AMBRA1: variants seen among roughly 807,000 people sequenced by gnomAD.
AMBRA1 encodes activating molecule in BECN1-regulated autophagy protein 1.
Under a neutral mutation model 125.4 loss-of-function variants are expected in AMBRA1, and 47 were observed. That is an observed-to-expected ratio of 0.37 (90% CI 0.30 to 0.48). The LOEUF (loss-of-function observed/expected upper bound fraction) is 0.48, where lower values mean the gene tolerates loss of function less well. AMBRA1 is among the 20% of genes least tolerant of loss of function. The pLI, the probability that AMBRA1 is intolerant of heterozygous loss-of-function variation, is 0.99. For synonymous variants in AMBRA1, 626 were observed against 655.5 expected (o/e 0.95, Z 0.69); for missense variants, 1,331 against 1,693.4 (o/e 0.79, Z 3.76).
chr11:46,519,896 T>C (rs1483182638), intron 7 of AMBRA1, among the ~76,000 whole-genome samples: 1 of 152,122 alleles, frequency 6.6e-6, no homozygotes, highest in African/African-American at 2.4e-5. Context: ...TCCCAGCACT[T>C]TGGGAGGCCA....
chr11:46,586,467 A>C (rs2044405170), intron 1 of AMBRA1, among the ~76,000 whole-genome samples: 1 of 152,098 alleles, frequency 6.6e-6, no homozygotes, highest in South Asian at 2.1e-4. Flanking sequence ...CCTAGCTAGG[A>C]TTTGAACCTA....
chr11:46,456,937 G>C (rs115684996), intron 11 of AMBRA1, among the ~76,000 whole-genome samples: 380 of 152,174 alleles, frequency 2.5e-3, no homozygotes, highest in African/African-American at 8.6e-3. Flanking sequence ...CATGACAAGA[G>C]AGTTAAAGCA....
chr11:46,415,115 G>A (rs2136639472), intron 15 of AMBRA1, among the ~76,000 whole-genome samples: 1 of 152,298 alleles, frequency 6.6e-6, no homozygotes, highest in South Asian at 2.1e-4. Flanking sequence ...CTTGGGAATG[G>A]GTGTGCCAGG....
At chr11:46,471,625 CTGTTT>C (rs1245572554) in intron 11 of AMBRA1, among the ~76,000 whole-genome samples, 2 of 150,204 alleles carry the variant, frequency 1.3e-5, no homozygotes, top group African/African-American at 2.4e-5. Context: ...AACTTTCTTT[CTGTTT>C]TGTTTTGTTT....
intron 1 of AMBRA1, among the ~76,000 whole-genome samples, chr11:46,585,746 G>A (rs1211509460): frequency 3.4e-5 from 4 of 116,830 alleles, no homozygotes; most frequent in Non-Finnish European, 6.9e-5. Flanking sequence ...AAATTGCTGG[G>A]TTTAAAGGTG....
At chr11:46,421,951 A>C (rs1946867023) in intron 14 of AMBRA1, among the ~76,000 whole-genome samples, 1 of 152,130 alleles carries the variant, frequency 6.6e-6, no homozygotes, top group Non-Finnish European at 1.5e-5. Context: ...AGACACCCTA[A>C]AAACATCTCA....
chr11:46,532,879 G>T (rs187629888), intron 7 of AMBRA1, among the ~76,000 whole-genome samples: 195 of 152,268 alleles, frequency 1.3e-3, no homozygotes, highest in Non-Finnish European at 1.8e-3. Context: ...TCATACTCTT[G>T]GGCACTAGCA....
rs773707115 is a variant in AMBRA1, at chr11:46,397,777, G to A, written c.3570C>T (p.Arg1190=). The change falls in exon 18 of 18, where the codon CGC becomes CGT. Residue 1190 remains arginine (R), a synonymous_variant. Coordinates refer to ENST00000683756, the MANE Select transcript of AMBRA1 (RefSeq NM_001387011.1). ...CAGGTTCAGTGCCCGTCTGAGAGCT[G>A]CGGTGAATGCGGTGGCTGACGATGA... ...NNIIVSHRIH[R]SSQTGTEPGA... is the part of the protein sequence containing the mutation. 3 of 1,611,270 alleles carry A rather than the reference G, an allele frequency of 1.9e-6. No individual in the cohort carries two copies. The highest frequency in any genetic ancestry group is 2.5e-6 in the Non-Finnish European group (3 of 1,180,006).
intron 7 of AMBRA1, among the ~76,000 whole-genome samples, chr11:46,537,271 A>T (rs1285050014): frequency 6.6e-6 from 1 of 152,238 alleles, no homozygotes; most frequent in Admixed American, 6.5e-5. Flanking sequence ...GGTTTTGACA[A>T]AGAAAACTGC....
chr11:46,564,584 A>G (rs2043458522), intron 1 of AMBRA1, among the ~76,000 whole-genome samples: 1 of 152,096 alleles, frequency 6.6e-6, no homozygotes, highest in South Asian at 2.1e-4. Flanking sequence ...GAAAAAAAAA[A>G]GCTCTCTTCA....
At chr11:46,444,185 C>T (rs568193699) in intron 11 of AMBRA1, among the ~76,000 whole-genome samples, 1 of 152,188 alleles carries the variant, frequency 6.6e-6, no homozygotes, top group South Asian at 2.1e-4. Context: ...CTCTTCTGGA[C>T]CCCTGGCACG....
chr11:46,428,584 T>C (rs538306149), intron 14 of AMBRA1: 21 of 1,215,276 alleles, frequency 1.7e-5, no homozygotes, highest in Non-Finnish European at 5.8e-6. Flanking sequence ...CTTCTTCTTC[T>C]TCTTCTTCTT....
intron 12 of AMBRA1, among the ~76,000 whole-genome samples, chr11:46,442,522 C>CAG (rs773000357): frequency 8.5e-5 from 13 of 152,070 alleles, no homozygotes; most frequent in Non-Finnish European, 1.3e-4. Context: ...AGCAGTCAAG[C>CAG]AGAGGCTGGA....
chr11:46,527,036 C>T (rs1952002411), intron 7 of AMBRA1, among the ~76,000 whole-genome samples: 1 of 152,190 alleles, frequency 6.6e-6, no homozygotes, highest in African/African-American at 2.4e-5. Flanking sequence ...TCAGAAGGGT[C>T]AATGTTCATT....
intron 7 of AMBRA1, among the ~76,000 whole-genome samples, chr11:46,537,023 A>C (rs1397263065): frequency 6.6e-6 from 1 of 152,224 alleles, no homozygotes; most frequent in Non-Finnish European, 1.5e-5. Flanking sequence ...ACCAATTTTT[A>C]TCTCTCTCAG....
In AMBRA1 at chr11:46,410,342, T is replaced by C. The variant is rs774112609; in HGVS notation, c.3143A>G (p.Tyr1048Cys). 7 of 1,613,940 alleles carry C rather than the reference T, an allele frequency of 4.3e-6. No homozygotes were observed. Among genetic ancestry groups the C allele is most frequent in the Admixed American group, 1.7e-5 (1 of 60,020 alleles). ...PEALNSGVEY[Y>C]WDQLNETVFT... Reference sequence around the variant, plus strand: ...GACCGTCTCGTTCAGCTGGTCCCAGTAGTACTCAACACCAGAGTTTAAGGC... The same window carrying C: ...GACCGTCTCGTTCAGCTGGTCCCAGCAGTACTCAACACCAGAGTTTAAGGC... The change falls in exon 16 of 18, where the codon TAC (tyrosine) becomes TGC (cysteine). Residue 1048 changes from tyrosine to cysteine, a missense_variant. Transcript: ENST00000683756.
intron 1 of AMBRA1, among the ~76,000 whole-genome samples, chr11:46,560,084 CTAAT>C (rs2043281081): frequency 6.6e-6 from 1 of 152,194 alleles, no homozygotes; most frequent in African/African-American, 2.4e-5. Flanking sequence ...TACATTATCT[CTAAT>C]TAACCACCTG....
chr11:46,564,091 C>A (rs2043431970), intron 1 of AMBRA1, among the ~76,000 whole-genome samples: 1 of 149,038 alleles, frequency 6.7e-6, no homozygotes, highest in African/African-American at 2.5e-5. Context: ...TTGCAGTGAG[C>A]CGAGATGGCG....
intron 11 of AMBRA1, among the ~76,000 whole-genome samples, chr11:46,452,613 T>G (rs1948665544): frequency 6.6e-6 from 1 of 152,216 alleles, no homozygotes; most frequent in Non-Finnish European, 1.5e-5. Flanking sequence ...CTGCATGGCA[T>G]CCTAGGAAGA....
Sources: allele counts gnomAD v4.1 joint callset (sites outside exome capture counted in the v4.1 genomes callset), GRCh38; gene constraint gnomAD v4.1.1; transcripts MANE v1.5; gene names NCBI Gene and HGNC (gene_info 2026-07-23, HGNC 2026-07-21).